The following SNRPN variants were observed in gnomAD, a reference collection of about 807,000 sequenced individuals.
SNRPN encodes small nuclear ribonucleoprotein-associated protein N.
In SNRPN, 7 loss-of-function variants were observed where a neutral mutation model predicts 25.2. That is an observed-to-expected ratio of 0.28 (90% CI 0.16 to 0.52). The LOEUF is 0.52. Among genes scored for constraint, SNRPN ranks in the 20% least tolerant of loss-of-function variants. The pLI is 0.96. For missense variants in SNRPN, 196 were observed against 322.5 expected (o/e 0.61, Z 3.00); for synonymous variants, 124 against 110.6 (o/e 1.12, Z -0.76).
At chr15:24,889,575 G>A (rs904360813) in intron 2 of SNRPN, among the ~76,000 whole-genome samples, 1 of 151,948 alleles carries the variant, frequency 6.6e-6, no homozygotes, top group Non-Finnish European at 1.5e-5. Context: ...AAAGTGCTGG[G>A]ATTACAGGCA....
At chr15:24,928,839 C>T (rs1277339567) in intron 3 of SNRPN, among the ~76,000 whole-genome samples, 1 of 151,976 alleles carries the variant, frequency 6.6e-6, no homozygotes, top group East Asian at 1.9e-4. Context: ...AACTCCTGGC[C>T]TAAAACAATC....
At chr15:24,977,147 G>C in intron 7 of SNRPN, 118 bp downstream of exon 7, 1 of 761,346 alleles carries the variant, frequency 1.3e-6, no homozygotes, top group East Asian at 3.2e-5. Context: ...TGGTTTAGGA[G>C]GAACCAAAAC....
At chr15:24,937,946 T>C (rs11634944) in intron 3 of SNRPN, among the ~76,000 whole-genome samples, 52,177 of 152,056 alleles carry the variant, frequency 0.34, 9,317 homozygotes, top group East Asian at 0.51. Context: ...TGCATCAGAA[T>C]GTACTTCCTT....
intron 1 of SNRPN, among the ~76,000 whole-genome samples, chr15:24,861,887 A>C (rs1043515797): frequency 6.9e-6 from 1 of 144,070 alleles, no homozygotes; most frequent in African/African-American, 2.9e-5. Flanking sequence ...AATTGTGCTT[A>C]TGATAGTTCT....
At chr15:24,921,831 CAGTT>C (rs779825366) in intron 3 of SNRPN, among the ~76,000 whole-genome samples, 1 of 152,082 alleles carries the variant, frequency 6.6e-6, no homozygotes, top group African/African-American at 2.4e-5. Flanking sequence ...TAGTCACTAT[CAGTT>C]GAGTACTTAT....
At chr15:24,916,755 C>T (rs1375589420) in intron 2 of SNRPN, among the ~76,000 whole-genome samples, 1 of 152,106 alleles carries the variant, frequency 6.6e-6, no homozygotes, top group Non-Finnish European at 1.5e-5. Context: ...GGAGTTGGTT[C>T]CTTCCGGTGG....
chr15:24,971,229 G>A (rs950929219), intron 3 of SNRPN, among the ~76,000 whole-genome samples: 10 of 152,172 alleles, frequency 6.6e-5, no homozygotes, highest in Non-Finnish European at 1.2e-4. Flanking sequence ...TGTGCCCTTT[G>A]ATCTCAGAAG....
At chr15:24,961,794 G>A (rs2074871732) in intron 1 of SNRPN, among the ~76,000 whole-genome samples, 1 of 152,134 alleles carries the variant, frequency 6.6e-6, no homozygotes, top group South Asian at 2.1e-4. Flanking sequence ...GTGGTGGTAT[G>A]TATGTATCTA....
intron 3 of SNRPN, among the ~76,000 whole-genome samples, chr15:24,943,826 T>A (rs1000889551): frequency 4.6e-5 from 7 of 151,962 alleles, no homozygotes; most frequent in African/African-American, 1.7e-4. Flanking sequence ...TTTTTTTTAA[T>A]TTTTTTATTT....
intron 3 of SNRPN, among the ~76,000 whole-genome samples, chr15:24,922,037 T>TAAAA (rs67089476): frequency 1.1e-5 from 1 of 94,416 alleles, no homozygotes; most frequent in Non-Finnish European, 2.1e-5. Flanking sequence ...CCGTCTCTAC[T>TAAAA]AAAAAAAAAA....
intron 1 of SNRPN, among the ~76,000 whole-genome samples, chr15:24,880,728 A>C (rs1210537411): frequency 6.7e-6 from 1 of 150,308 alleles, no homozygotes; most frequent in African/African-American, 2.5e-5. Flanking sequence ...ATTCAACCCA[A>C]GTTCTTCATT....
chr15:24,967,527 A>G (rs1489302641), intron 2 of SNRPN, among the ~76,000 whole-genome samples: 1 of 152,032 alleles, frequency 6.6e-6, no homozygotes, highest in African/African-American at 2.4e-5. Flanking sequence ...CTGTAGTCTC[A>G]GCTACTCGGG....
intron 3 of SNRPN, among the ~76,000 whole-genome samples, chr15:24,948,359 G>C (rs1444638914): frequency 1.3e-5 from 2 of 151,944 alleles, no homozygotes; most frequent in African/African-American, 4.8e-5. Flanking sequence ...TGATCTGCCC[G>C]CCTCGGCTTC....
intron 2 of SNRPN, among the ~76,000 whole-genome samples, chr15:24,910,360 G>A (rs2059134301): frequency 6.6e-6 from 1 of 152,154 alleles, no homozygotes; most frequent in African/African-American, 2.4e-5. Context: ...GCACACACCT[G>A]TAGTCCCAGC....
At position 24,958,180 on chromosome 15, in the gene SNRPN, C is replaced by G. The variant is rs545611867; in HGVS notation, c.-391+3118C>G. ...ATCTTTATGTTTCCCTTACCCTGTT[C>G]CTTTTCCTAATAAACATCTTTGTTT... On this transcript the variant is annotated intron_variant, in intron 1 of 9. Transcript: ENST00000390687. Among the ~76,000 whole-genome samples the G allele has an allele frequency of 7.9e-5, 12 of 152,256 alleles. No individual in the cohort carries two copies. In the South Asian group the frequency reaches 2.3e-3, roughly 29 times the overall value.
At chr15:24,911,488 A>G (rs1475341030) in intron 2 of SNRPN, among the ~76,000 whole-genome samples, 1 of 152,184 alleles carries the variant, frequency 6.6e-6, no homozygotes, top group African/African-American at 2.4e-5. Context: ...CTTGGGGCTC[A>G]CTGACTATGC....
chr15:24,924,304 A>C (rs1297149570), intron 3 of SNRPN, among the ~76,000 whole-genome samples: 1 of 151,818 alleles, frequency 6.6e-6, no homozygotes, highest in Non-Finnish European at 1.5e-5. Context: ...GGGAGAGTAA[A>C]CAGTTTGGGG....
chr15:24,894,665 A>G (rs1016290801), intron 2 of SNRPN, among the ~76,000 whole-genome samples: 1 of 152,206 alleles, frequency 6.6e-6, no homozygotes, highest in Admixed American at 6.5e-5. Context: ...TTTTTTTCCT[A>G]TCCATCTGCA....
At chr15:24,897,510 A>C (rs1441940381) in intron 2 of SNRPN, among the ~76,000 whole-genome samples, 1 of 152,178 alleles carries the variant, frequency 6.6e-6, no homozygotes, top group African/African-American at 2.4e-5. Flanking sequence ...TCTTTAGCCC[A>C]GGAGTTCGTG....
Sources: allele counts gnomAD v4.1 joint callset (sites outside exome capture counted in the v4.1 genomes callset), GRCh38; gene constraint gnomAD v4.1.1; transcripts MANE v1.5; gene names NCBI Gene and HGNC (gene_info 2026-07-23, HGNC 2026-07-21).